DGKK: variants seen among roughly 807,000 people sequenced by gnomAD.
The protein encoded by DGKK is diacylglycerol kinase kappa.
In DGKK, 35 loss-of-function variants were observed where a neutral mutation model predicts 92.2. That is an observed-to-expected ratio of 0.38 (90% confidence interval 0.29 to 0.50). DGKK has a LOEUF of 0.50. Among genes scored for constraint, DGKK ranks in the 20% least tolerant of loss-of-function variants. The pLI, the probability that DGKK is intolerant of heterozygous loss-of-function variation, is 0.92. For missense variants in DGKK, 910 were observed against 992.2 expected (o/e 0.92, Z 1.11); for synonymous variants, 368 against 360.6 (o/e 1.02, Z -0.23).
At chrX:50,434,514 G>A (rs1249284765) in intron 1 of DGKK, among the ~76,000 whole-genome samples, 1 of 110,964 alleles carries the variant, frequency 9.0e-6, no homozygotes, top group Non-Finnish European at 1.9e-5. Flanking sequence ...TGACTTGGGT[G>A]TGAGATCTAA....
At chrX:50,422,632 A>ACACT in intron 2 of DGKK, 106 bp from the exon 3 acceptor site, 1 of 423,938 alleles carries the variant, frequency 2.4e-6, no homozygotes, top group Non-Finnish European at 3.7e-6. Context: ...ACACACACAC[A>ACACT]CACTTACTGA....
At chrX:50,459,397 A>G (rs1926690311) in intron 1 of DGKK, among the ~76,000 whole-genome samples, 1 of 111,145 alleles carries the variant, frequency 9.0e-6, no homozygotes, top group Non-Finnish European at 1.9e-5. Context: ...TTTGTGTTTC[A>G]TCATTTTCAT....
chrX:50,422,657 A>G, intron 2 of DGKK, 131 bp from the exon 3 acceptor site: 1 of 360,227 alleles, frequency 2.8e-6, no homozygotes, highest in Admixed American at 5.8e-5. Context: ...CATTTGTGGC[A>G]GTCATGATCC....
intron 6 of DGKK, 134 bp downstream of exon 6, chrX:50,403,357 C>T: frequency 1.2e-6 from 1 of 860,307 alleles, no homozygotes; most frequent in South Asian, 2.4e-5. Flanking sequence ...GAGGTTCATT[C>T]TTCCAGATAA....
chrX:50,422,516 A>G lies in DGKK; in HGVS notation c.767T>C (p.Phe256Ser), dbSNP rs1925620944. ...GGCTTGAGACAGATCAATCGTTTCA[A>G]AGTGTGCAAACTGGAAAGATATAAG... ...YFAHHPAFAH[F>S]ETIDLSQATV... The change falls in exon 3 of 28, where the codon TTT (phenylalanine) becomes TCT (serine). Residue 256 changes from phenylalanine to serine, a missense_variant. Coordinates refer to ENST00000611977, the MANE Select transcript of DGKK (RefSeq NM_001013742.4). The G allele has an allele frequency of 1.7e-6, 2 of 1,202,444 alleles. No individual in the cohort carries two copies. Among genetic ancestry groups the G allele is most frequent in the African/African-American group, 3.5e-5 (2 of 56,403 alleles).
intron 1 of DGKK, among the ~76,000 whole-genome samples, chrX:50,427,882 G>T (rs952420471): frequency 1.8e-5 from 2 of 110,323 alleles, no homozygotes; most frequent in African/African-American, 6.6e-5. Context: ...ATAATTAAAG[G>T]GACTAAAATG....
intron 17 of DGKK, 119 bp downstream of exon 17, chrX:50,384,049 T>C: frequency 2.6e-6 from 1 of 385,836 alleles, no homozygotes; most frequent in Non-Finnish European, 4.3e-6. Context: ...GTTTAGTCAC[T>C]TGCGTAGGTG....
chrX:50,460,540 A>G, intron 1 of DGKK, among the ~76,000 whole-genome samples: 1 of 111,661 alleles, frequency 9.0e-6, no homozygotes, highest in Admixed American at 9.5e-5. Context: ...TCAGGGGCCA[A>G]TATTTCCTTT....
intron 1 of DGKK, among the ~76,000 whole-genome samples, chrX:50,455,303 T>C (rs1926582192): frequency 8.9e-6 from 1 of 112,118 alleles, no homozygotes; most frequent in East Asian, 2.8e-4. Context: ...GCTTGCTGTC[T>C]TTGGAGATCT....
At position 50,387,670 on chromosome X, in the gene DGKK, G is replaced by C; in HGVS notation, c.2019-17C>G. On this transcript the variant is annotated splice_polypyrimidine_tract_variant and intron_variant, in intron 13 of 27. Coordinates refer to ENST00000611977, the MANE Select transcript of DGKK (RefSeq NM_001013742.4). ...CACAAGAATCTGGAAAGATAAAATA[G>C]ATGGCACAATGTTACATGAACCATG... 2 of 1,123,624 alleles carry C rather than the reference G, an allele frequency of 1.8e-6. No individual in the cohort carries two copies. The highest frequency in any genetic ancestry group is 2.4e-6 in the Non-Finnish European group (2 of 818,242). The allele number at this position is 1,123,624 out of a possible 1,213,427, so 92.6% of individuals were successfully genotyped here.
In DGKK at chrX:50,376,793, C is replaced by A. The variant is rs782564993; in HGVS notation, c.3237G>T (p.Gln1079His). 2.5e-6 allele frequency: 3 copies of A among 1,203,136 alleles called. No homozygotes were observed. The highest frequency in any genetic ancestry group is 2.2e-6 in the Non-Finnish European group (2 of 890,777). ...GGTTTTCTGCAAGCCGAGCTAAGTG[C>A]TGCATCTGGGCATACTCCTCGTCAG... is the stretch of plus-strand genomic sequence containing the variant. Reference protein sequence around the residue: ...SLSDEEYAQMQHLARLAENLI... With the variant: ...SLSDEEYAQMHHLARLAENLI... Residue 1079 changes from glutamine to histidine, a missense_variant, in exon 23 of 28, where the codon CAG (glutamine) becomes CAT (histidine). Coordinates refer to ENST00000611977, the MANE Select transcript of DGKK (RefSeq NM_001013742.4).
At position 50,384,097 on chromosome X, in the gene DGKK, A is replaced by T. The variant is rs1557224693; in HGVS notation, c.2549+71T>A. 4.6e-6 allele frequency: 3 copies of T among 657,527 alleles called. No individual in the cohort carries two copies. The South Asian group carries it at 1.0e-4, about 22-fold the overall frequency. 54.2% of individuals were successfully genotyped at this position (657,527 alleles called of 1,213,427 possible). ...AGTAAGAGAAAGGATTTGACTATGG[A>T]TATCCTAAGATTGTGCTCTTAACAA... On this transcript the variant is annotated intron_variant, in intron 17 of 27. Transcript: ENST00000611977.
rs782132906 is a variant in DGKK at position 50,378,206 on chromosome X, A to G, written c.3003T>C (p.Asp1001=). 3.3e-6 allele frequency: 4 copies of G among 1,208,147 alleles called. No homozygotes were observed. Among genetic ancestry groups the G allele is most frequent in the African/African-American group, 3.5e-5 (2 of 56,916 alleles). ...AQCHEVMITI[D]GEEGIPVQVD... ...CCTGCACTGGGATACCTTCTTCACC[A>G]TCAATGGTTATCATCACCTCATGGC... is the stretch of plus-strand genomic sequence containing the variant. The change falls in exon 22 of 28, where the codon GAT becomes GAC. Residue 1001 remains aspartate (D), a synonymous_variant. Transcript: ENST00000611977.
chrX:50,389,692 C>T (rs1924635041), intron 12 of DGKK, among the ~76,000 whole-genome samples: 1 of 111,675 alleles, frequency 9.0e-6, no homozygotes, highest in Admixed American at 9.5e-5. Flanking sequence ...ACTTCTCTAG[C>T]CTCATCTTTA....
At chrX:50,391,396 G>C in intron 11 of DGKK, 41 bp downstream of exon 11, 1 of 1,199,287 alleles carries the variant, frequency 8.3e-7, no homozygotes, top group African/African-American at 1.8e-5. Context: ...AGTGATGTGG[G>C]ACAGGAAGAG....
chrX:50,428,788 T>C (rs782043760), intron 1 of DGKK, among the ~76,000 whole-genome samples: 2 of 111,533 alleles, frequency 1.8e-5, no homozygotes, highest in Admixed American at 9.5e-5. Flanking sequence ...TTCTGAATTC[T>C]GTCCTCCTTT....
rs1212775635 is a variant in DGKK at position 50,367,958 on chromosome X, ATTG to A, written c.*979_*981del. 1 of 109,658 alleles carries A rather than the reference ATTG, an allele frequency of 9.1e-6. No individual in the cohort carries two copies. The highest frequency in any genetic ancestry group is 1.9e-5 in the Non-Finnish European group (1 of 52,610). The allele number at this position is 109,658 out of a possible 1,213,427, so 9.0% of individuals were successfully genotyped here. On this transcript the variant is annotated 3_prime_UTR_variant, in exon 28 of 28. Coordinates refer to ENST00000611977, the MANE Select transcript of DGKK (RefSeq NM_001013742.4). ...GGCAGTTGGTAGAGGTGTATGTGTT[ATTG>A]TTATGTAGAGTAAGGGGGAGTGGGA...
chrX:50,373,533 T>C (rs1213020496), intron 25 of DGKK, among the ~76,000 whole-genome samples: 1 of 112,336 alleles, frequency 8.9e-6, no homozygotes, highest in East Asian at 2.8e-4. Context: ...GGCAAGGCTA[T>C]TGAGCTCTGC....
chrX:50,417,578 C>T (rs1468416491), intron 4 of DGKK, among the ~76,000 whole-genome samples: 1 of 111,051 alleles, frequency 9.0e-6, no homozygotes, highest in African/African-American at 3.3e-5. Context: ...CCCAGGCTCA[C>T]ACCTTTCATC....
Sources: allele counts gnomAD v4.1 joint callset (sites outside exome capture counted in the v4.1 genomes callset), GRCh38; gene constraint gnomAD v4.1.1; transcripts MANE v1.5; gene names NCBI Gene and HGNC (gene_info 2026-07-23, HGNC 2026-07-21).